IL1RAPL1: variants seen among roughly 807,000 people sequenced by gnomAD.
The protein encoded by IL1RAPL1 is interleukin 1 receptor accessory protein like 1.
A neutral mutation model predicts 48.4 loss-of-function variants in IL1RAPL1; 3 were observed. The ratio of observed to expected loss-of-function variants is 0.06; its 90% confidence interval spans 0.03 to 0.16. IL1RAPL1 has a LOEUF of 0.16. IL1RAPL1 is among the 10% of genes least tolerant of loss of function. IL1RAPL1 has a pLI of 1.00. For missense variants in IL1RAPL1, 349 were observed against 530.6 expected, an observed-to-expected ratio of 0.66 and a Z score of 3.36; for synonymous variants, 185 against 187.7, an observed-to-expected ratio of 0.99 and a Z score of 0.12.
intron 2 of IL1RAPL1, among the ~76,000 whole-genome samples, chrX:28,986,530 T>G (rs1300724513): frequency 2.7e-5 from 3 of 112,209 alleles, no homozygotes; most frequent in Non-Finnish European, 3.8e-5. Flanking sequence ...CATGACTTCT[T>G]TATAAAAATA....
At chrX:29,298,871 A>G (rs895509834) in intron 3 of IL1RAPL1, among the ~76,000 whole-genome samples, 3 of 111,375 alleles carry the variant, frequency 2.7e-5, no homozygotes, top group Non-Finnish European at 3.8e-5. Context: ...TTTACTTGTG[A>G]TGGTTAATAC....
intron 6 of IL1RAPL1, among the ~76,000 whole-genome samples, chrX:29,705,861 G>A (rs185816624): frequency 7.2e-4 from 81 of 112,438 alleles, no homozygotes; most frequent in Non-Finnish European, 1.1e-3. Flanking sequence ...TCTTGTTAAC[G>A]AATAAACAAG....
chrX:29,876,931 G>A (rs888552043), intron 6 of IL1RAPL1, among the ~76,000 whole-genome samples: 2 of 111,785 alleles, frequency 1.8e-5, no homozygotes, highest in Non-Finnish European at 3.8e-5. Flanking sequence ...CCTGCTCCAC[G>A]CGCCTCAGAT....
intron 5 of IL1RAPL1, among the ~76,000 whole-genome samples, chrX:29,655,114 A>G (rs957753509): frequency 2.7e-5 from 3 of 111,598 alleles, no homozygotes; most frequent in Admixed American, 9.5e-5. Flanking sequence ...ATGAGAGCCA[A>G]TAACAGACAT....
At chrX:29,615,899 A>G in intron 5 of IL1RAPL1, among the ~76,000 whole-genome samples, 1 of 111,600 alleles carries the variant, frequency 9.0e-6, no homozygotes, top group Non-Finnish European at 1.9e-5. Context: ...GAGGCAGCCT[A>G]GGATTCTTAT....
chrX:28,938,951 G>A (rs751722324), intron 2 of IL1RAPL1, among the ~76,000 whole-genome samples: 10 of 109,710 alleles, frequency 9.1e-5, no homozygotes, highest in Non-Finnish European at 1.7e-4. Context: ...TTAGAGAAAT[G>A]CAAATCAAAA....
chrX:28,653,668 TTAAG>T (rs1414371364), intron 1 of IL1RAPL1, among the ~76,000 whole-genome samples: 1 of 111,433 alleles, frequency 9.0e-6, no homozygotes, highest in African/African-American at 3.3e-5. Context: ...GTGTGTAAAA[TTAAG>T]TAAGATGACA....
chrX:28,974,468 T>C (rs1343317830), intron 2 of IL1RAPL1, among the ~76,000 whole-genome samples: 2 of 112,153 alleles, frequency 1.8e-5, no homozygotes, highest in African/African-American at 6.5e-5. Flanking sequence ...GACAGAGTTA[T>C]AAAAATTGAA....
intron 6 of IL1RAPL1, among the ~76,000 whole-genome samples, chrX:29,800,265 T>C (rs1294827511): frequency 9.0e-6 from 1 of 110,943 alleles, no homozygotes; most frequent in African/African-American, 3.3e-5. Flanking sequence ...ACATGACCAC[T>C]GAACCCTCAA....
At position 29,752,495 on chromosome X, in the gene IL1RAPL1, C is replaced by CAAA. The variant is rs10682605; in HGVS notation, c.778+84008_778+84010dup. 8.0e-3 allele frequency among the ~76,000 whole-genome samples: 420 copies of CAAA among 52,674 alleles called. 8 individuals carry two copies. The highest frequency in any genetic ancestry group is 0.025 in the African/African-American group (345 of 13,762). The allele number at this position is 52,674 out of a possible 115,157, so 45.7% of individuals were successfully genotyped here. On this transcript the variant is annotated intron_variant, in intron 6 of 10. Transcript: ENST00000378993. ...TGGGCGACAAATCGAGACTTTGTCT[C>CAAA]AAAAAAAAAAAAAAAAAAAGACTTG...
chrX:29,125,526 T>C (rs1928880971), intron 2 of IL1RAPL1, among the ~76,000 whole-genome samples: 2 of 112,119 alleles, frequency 1.8e-5, no homozygotes, highest in South Asian at 7.3e-4. Context: ...TTCTGAATGT[T>C]GTGTAAGGCA....
chrX:28,629,330 G>T (rs1052289229), intron 1 of IL1RAPL1, among the ~76,000 whole-genome samples: 4 of 111,518 alleles, frequency 3.6e-5, no homozygotes, highest in Non-Finnish European at 7.5e-5. Context: ...GTTTATTCCT[G>T]CTAAAACTTC....
Position 29,016,619 on chromosome X carries a change from C to T in IL1RAPL1, c.82+227194C>T, listed in dbSNP as rs185499279. 2.6e-3 allele frequency among the ~76,000 whole-genome samples: 286 copies of T among 111,028 alleles called. 1 individual carries two copies. The highest frequency in any genetic ancestry group is 9.0e-3 in the African/African-American group (278 of 30,745). On this transcript the variant is annotated intron_variant, in intron 2 of 10. Transcript: ENST00000378993. ...AAATGTACATTGTGAATGATTGGTT[C>T]TTTCGGCATACCAATGTGTCACTTA... is the stretch of plus-strand genomic sequence containing the variant.
intron 2 of IL1RAPL1, among the ~76,000 whole-genome samples, chrX:28,904,796 A>G (rs1411044602): frequency 8.9e-6 from 1 of 112,415 alleles, no homozygotes; most frequent in Non-Finnish European, 1.9e-5. Flanking sequence ...ACCAATGGAG[A>G]AAAAAGTATA....
At chrX:28,669,747 TATCATATATAATTTATATATATA>T (rs1205325837) in intron 1 of IL1RAPL1, among the ~76,000 whole-genome samples, 1 of 104,727 alleles carries the variant, frequency 9.5e-6, no homozygotes, top group East Asian at 2.9e-4. Flanking sequence ...AATTATATCA[TATCATATATAATTTATATATATA>T]ATCATATATA....
chrX:28,869,792 A>G (rs1282099699), intron 2 of IL1RAPL1, among the ~76,000 whole-genome samples: 2 of 111,837 alleles, frequency 1.8e-5, no homozygotes, highest in Non-Finnish European at 3.8e-5. Flanking sequence ...TTGTGCAGCC[A>G]TCGTCACAGC....
intron 6 of IL1RAPL1, among the ~76,000 whole-genome samples, chrX:29,789,830 ACTAT>A (rs1317487924): frequency 7.9e-5 from 8 of 100,660 alleles, no homozygotes; most frequent in African/African-American, 3.0e-4. Flanking sequence ...TTGGGGGTTG[ACTAT>A]CTAGCTCATA....
At chrX:29,597,685 G>A (rs1923596594) in intron 5 of IL1RAPL1, among the ~76,000 whole-genome samples, 1 of 111,853 alleles carries the variant, frequency 8.9e-6, no homozygotes, top group Non-Finnish European at 1.9e-5. Context: ...ATTGTTTGCA[G>A]TTCTTAAGTT....
At chrX:28,869,510 A>G (rs1922156961) in intron 2 of IL1RAPL1, among the ~76,000 whole-genome samples, 1 of 112,180 alleles carries the variant, frequency 8.9e-6, no homozygotes, top group Admixed American at 9.5e-5. Context: ...CATAGGCACT[A>G]AGGGGCTAAA....
Sources: gnomAD v4.1 joint callset for allele counts (sites outside exome capture counted in the v4.1 genomes callset) on GRCh38, gnomAD v4.1.1 for gene constraint, MANE v1.5 for transcripts, NCBI Gene and HGNC (gene_info 2026-07-23, HGNC 2026-07-21) for gene names.